Variants in NKAIN2 observed in about 807,000 individuals in gnomAD.
The protein encoded by NKAIN2 is sodium/potassium-transporting ATPase subunit beta-1-interacting protein 2.
Under a neutral mutation model 32.6 loss-of-function variants are expected in NKAIN2, and 14 were observed. The ratio of observed to expected loss-of-function variants is 0.43; its 90% CI spans 0.28 to 0.67. The LOEUF is 0.67. Among genes scored for constraint, NKAIN2 ranks in the 30% least tolerant of loss-of-function variants. NKAIN2 has a pLI of 0.17. For synonymous variants in NKAIN2, 80 were observed against 87.2 expected (o/e 0.92, Z 0.46); for missense variants, 198 against 258.3 (o/e 0.77, Z 1.60).
At chr6:124,758,654 C>T (rs183664948) in intron 4 of NKAIN2, among the ~76,000 whole-genome samples, 9 of 152,256 alleles carry the variant, frequency 5.9e-5, no homozygotes, top group African/African-American at 1.9e-4. Context: ...CTCTCTGTCT[C>T]CTACACTATC....
At chr6:124,422,476 A>G (rs1774799645) in intron 3 of NKAIN2, among the ~76,000 whole-genome samples, 1 of 152,146 alleles carries the variant, frequency 6.6e-6, no homozygotes, top group Non-Finnish European at 1.5e-5. Flanking sequence ...TCTTTGTTCA[A>G]ATTATTACTG....
intron 1 of NKAIN2, among the ~76,000 whole-genome samples, chr6:124,268,662 C>A (rs1794612445): frequency 6.6e-6 from 1 of 151,396 alleles, no homozygotes; most frequent in African/African-American, 2.4e-5. Flanking sequence ...TACTTCAAAG[C>A]AAAATATAAT....
intron 1 of NKAIN2, among the ~76,000 whole-genome samples, chr6:124,180,920 C>T (rs949359610): frequency 1.3e-5 from 2 of 152,104 alleles, no homozygotes; most frequent in African/African-American, 4.8e-5. Flanking sequence ...TTTCACAGCT[C>T]CACTAGGCAG....
chr6:123,925,737 T>C (rs1775977347), intron 1 of NKAIN2, among the ~76,000 whole-genome samples: 1 of 152,216 alleles, frequency 6.6e-6, no homozygotes, highest in South Asian at 2.1e-4. Context: ...ATAACATTTC[T>C]ACATTGTCTT....
At chr6:124,115,586 G>C (rs1347434188) in intron 1 of NKAIN2, among the ~76,000 whole-genome samples, 1 of 152,034 alleles carries the variant, frequency 6.6e-6, no homozygotes, top group African/African-American at 2.4e-5. Flanking sequence ...CCCCTGCTTG[G>C]CAGTATTAAG....
intron 1 of NKAIN2, among the ~76,000 whole-genome samples, chr6:123,934,301 C>T (rs1406438787): frequency 6.6e-6 from 1 of 152,028 alleles, no homozygotes; most frequent in African/African-American, 2.4e-5. Context: ...TTTGGTCCAC[C>T]CTGTGATGCT....
At chr6:124,798,769 A>G (rs1307468349) in intron 5 of NKAIN2, among the ~76,000 whole-genome samples, 1 of 152,190 alleles carries the variant, frequency 6.6e-6, no homozygotes, top group Non-Finnish European at 1.5e-5. Flanking sequence ...GAAAGATTAA[A>G]TGACTTGCCC....
At chr6:124,152,153 G>T (rs1263750090) in intron 1 of NKAIN2, among the ~76,000 whole-genome samples, 3 of 151,890 alleles carry the variant, frequency 2.0e-5, no homozygotes, top group Non-Finnish European at 4.4e-5. Context: ...GTGAGATAGG[G>T]TTTTGTATTC....
intron 1 of NKAIN2, among the ~76,000 whole-genome samples, chr6:124,096,952 A>G (rs184718396): frequency 6.6e-6 from 1 of 152,258 alleles, no homozygotes; most frequent in African/African-American, 2.4e-5. Flanking sequence ...TTACACTTCA[A>G]AATGTTTATT....
At chr6:124,324,961 T>C (rs1217167861) in intron 2 of NKAIN2, among the ~76,000 whole-genome samples, 1 of 152,094 alleles carries the variant, frequency 6.6e-6, no homozygotes, top group Non-Finnish European at 1.5e-5. Context: ...TGTTAAGGAT[T>C]TTTGCATCTA....
intron 1 of NKAIN2, among the ~76,000 whole-genome samples, chr6:124,045,776 G>T (rs1362542048): frequency 2.6e-5 from 4 of 151,888 alleles, no homozygotes; most frequent in East Asian, 1.9e-4. Context: ...GCTTTAAAAG[G>T]TTACTAACAG....
rs1490100091 is a variant in NKAIN2, at chr6:124,075,357, C to T, written c.55-207648C>T. 3.3e-5 allele frequency among the ~76,000 whole-genome samples: 5 copies of T among 152,102 alleles called. No individual in the cohort carries two copies. In the East Asian group the frequency reaches 9.6e-4, roughly 29 times the overall value. ...GGTAACATTGATTAATATTATTTTT[C>T]AAGTCTGTGCATATAAGCATGATAT... On this transcript the variant is annotated intron_variant, in intron 1 of 6. Coordinates refer to ENST00000368417, the MANE Select transcript of NKAIN2 (RefSeq NM_001040214.3).
intron 3 of NKAIN2, among the ~76,000 whole-genome samples, chr6:124,535,007 T>C (rs1779663978): frequency 6.6e-6 from 1 of 152,226 alleles, no homozygotes; most frequent in South Asian, 2.1e-4. Flanking sequence ...TCTAGATAGG[T>C]TATAATACAT....
intron 1 of NKAIN2, among the ~76,000 whole-genome samples, chr6:123,832,636 G>A (rs1774435319): frequency 6.6e-6 from 1 of 152,164 alleles, no homozygotes; most frequent in Non-Finnish European, 1.5e-5. Flanking sequence ...ACCAGCATTT[G>A]GTATTGTTAG....
chr6:124,759,633 ACACACACACACACACACACACACC>A lies in NKAIN2; in HGVS notation c.475-31704_475-31681del, dbSNP rs1233443415. Among the ~76,000 whole-genome samples the A allele has an allele frequency of 1.5e-3, 171 of 110,478 alleles. 3 individuals are homozygous for A. Among genetic ancestry groups the A allele is most frequent in the South Asian group, 4.1e-3 (14 of 3,416 alleles). The allele number at this position is 110,478 out of a possible 152,430, so 72.5% of individuals were successfully genotyped here. On this transcript the variant is annotated intron_variant, in intron 4 of 6. Transcript: ENST00000368417. ...CACACACACACACACACACACACAC[ACACACACACACACACACACACACC>A]CCCTATCTCCCTTTCCTGCCTTATT...
chr6:124,066,858 GCGTT>G (rs1484626870), intron 1 of NKAIN2, among the ~76,000 whole-genome samples: 3 of 67,912 alleles, frequency 4.4e-5, no homozygotes, highest in African/African-American at 1.2e-4. Flanking sequence ...TCAATTTGCT[GCGTT>G]TGTGTGTGTG....
At chr6:124,597,218 T>A (rs184120078) in intron 3 of NKAIN2, among the ~76,000 whole-genome samples, 3 of 152,196 alleles carry the variant, frequency 2.0e-5, no homozygotes, top group Admixed American at 1.3e-4. Context: ...CATTGCACCA[T>A]CCCAATATGA....
chr6:124,252,198 G>A (rs1793719086), intron 1 of NKAIN2, among the ~76,000 whole-genome samples: 1 of 151,944 alleles, frequency 6.6e-6, no homozygotes, highest in African/African-American at 2.4e-5. Context: ...ATTAACAGTA[G>A]AATGGATAAA....
chr6:124,440,577 A>G (rs1775645309), intron 3 of NKAIN2, among the ~76,000 whole-genome samples: 1 of 152,048 alleles, frequency 6.6e-6, no homozygotes, highest in Non-Finnish European at 1.5e-5. Context: ...GCAAGTGAGT[A>G]CCAAGAAATG....
Sources: allele counts gnomAD v4.1 joint callset (sites outside exome capture counted in the v4.1 genomes callset), GRCh38; gene constraint gnomAD v4.1.1; transcripts MANE v1.5; gene names NCBI Gene and HGNC (gene_info 2026-07-23, HGNC 2026-07-21).